The following PTPRG variants were observed in gnomAD, a reference collection of about 807,000 sequenced individuals.
PTPRG encodes the protein receptor-type tyrosine-protein phosphatase gamma.
In PTPRG, 102 loss-of-function variants were observed where a neutral mutation model predicts 165.3. The ratio of observed to expected loss-of-function variants is 0.62; its 90% CI spans 0.53 to 0.73. The LOEUF is 0.73. Among genes scored for constraint, PTPRG ranks in the 30% least tolerant of loss-of-function variants. The probability of loss-of-function intolerance (pLI) is 0.00; values close to 1 mark genes in which losing one functional copy is unlikely to be tolerated. For missense variants in PTPRG, 1,866 were observed against 1,861.4 expected (o/e 1.00, Z -0.05); for synonymous variants, 675 against 669.5 (o/e 1.01, Z -0.13).
chr3:62,287,545 T>C (rs1175260389), intron 28 of PTPRG, among the ~76,000 whole-genome samples: 1 of 151,792 alleles, frequency 6.6e-6, no homozygotes, highest in Non-Finnish European at 1.5e-5. Context: ...TAGTGGAGTG[T>C]AGAACTGAAA....
At chr3:62,095,277 C>G (rs563912669) in intron 5 of PTPRG, among the ~76,000 whole-genome samples, 17 of 152,308 alleles carry the variant, frequency 1.1e-4, no homozygotes, top group African/African-American at 3.8e-4. Flanking sequence ...GCTGCATCCC[C>G]CATGTGACCT....
chr3:61,715,055 T>C (rs1286411861), intron 1 of PTPRG, among the ~76,000 whole-genome samples: 1 of 152,160 alleles, frequency 6.6e-6, no homozygotes, highest in Non-Finnish European at 1.5e-5. Flanking sequence ...TTGCTGGTCA[T>C]GGGCAAGGAA....
intron 1 of PTPRG, among the ~76,000 whole-genome samples, chr3:61,706,785 C>T (rs763534164): frequency 2.6e-5 from 4 of 151,832 alleles, no homozygotes; most frequent in East Asian, 1.9e-4. Context: ...CCACTGTGCC[C>T]GGCCAGTATT....
intron 2 of PTPRG, among the ~76,000 whole-genome samples, chr3:61,888,757 A>G (rs1403960274): frequency 6.6e-6 from 1 of 152,084 alleles, no homozygotes. Context: ...CTTTGTTCCT[A>G]TTATAGGAGA....
At chr3:61,613,951 T>C (rs572419137) in intron 1 of PTPRG, among the ~76,000 whole-genome samples, 53 of 152,324 alleles carry the variant, frequency 3.5e-4, no homozygotes, top group South Asian at 8.3e-4. Flanking sequence ...CAAATAAATC[T>C]TGAATCTCCC....
intron 5 of PTPRG, among the ~76,000 whole-genome samples, chr3:62,127,196 C>T (rs966257348): frequency 6.6e-6 from 1 of 152,116 alleles, no homozygotes; most frequent in Non-Finnish European, 1.5e-5. Flanking sequence ...TGGGTAAGGG[C>T]TAACCAAAAT....
chr3:62,173,526 G>A (rs77134161), intron 8 of PTPRG, among the ~76,000 whole-genome samples: 1,741 of 152,262 alleles, frequency 0.011, 15 homozygotes, highest in Middle Eastern at 0.037. Context: ...GGAAATCATA[G>A]GCTTGTTGTA....
intron 1 of PTPRG, among the ~76,000 whole-genome samples, chr3:61,635,587 A>G (rs1701887685): frequency 1.3e-5 from 2 of 151,806 alleles, no homozygotes; most frequent in Non-Finnish European, 2.9e-5. Context: ...CAAACTCTTG[A>G]GCTCAAGCTT....
rs529723533 is a variant in PTPRG, at chr3:62,287,347, A to C, written c.4055+4478A>C. On this transcript the variant is annotated intron_variant, in intron 28 of 29. Transcript: ENST00000474889. ...TCTGAGGGAAGACAACATGCTGAAC[A>C]AGAACCAAAAACCACAATAAATCAG... Among the ~76,000 whole-genome samples the C allele has an allele frequency of 8.0e-4, 122 of 152,336 alleles. 3 individuals carry two copies. In the South Asian group the frequency reaches 0.024, roughly 30 times the overall value.
intron 2 of PTPRG, among the ~76,000 whole-genome samples, chr3:61,942,837 T>C (rs1215412529): frequency 2.0e-5 from 3 of 152,254 alleles, no homozygotes; most frequent in African/African-American, 4.8e-5. Flanking sequence ...TTTATATGAC[T>C]TAGCAAACTT....
intron 1 of PTPRG, among the ~76,000 whole-genome samples, chr3:61,575,782 TAG>T (rs1363108999): frequency 6.6e-6 from 1 of 151,930 alleles, no homozygotes; most frequent in African/African-American, 2.4e-5. Context: ...ATATTTTACA[TAG>T]AGATGAGGTT....
intron 2 of PTPRG, chr3:61,771,191 T>C (rs2034197134): frequency 6.6e-6 from 1 of 152,162 alleles, no homozygotes; most frequent in Non-Finnish European, 1.5e-5. Flanking sequence ...TAAGATGCAT[T>C]CTAATGGATC....
intron 2 of PTPRG, among the ~76,000 whole-genome samples, chr3:61,916,481 A>G (rs2038938423): frequency 6.6e-6 from 1 of 152,184 alleles, no homozygotes; most frequent in South Asian, 2.1e-4. Flanking sequence ...TTAAGCTGTG[A>G]CAAAACTGTG....
At chr3:61,925,959 T>C (rs1449198034) in intron 2 of PTPRG, 1 of 474,604 alleles carries the variant, frequency 2.1e-6, no homozygotes, top group Non-Finnish European at 4.2e-6. Context: ...CCTAGCCTGG[T>C]TCTCTGACCA....
intron 1 of PTPRG, among the ~76,000 whole-genome samples, chr3:61,691,806 T>C (rs766578655): frequency 1.6e-4 from 24 of 152,272 alleles, no homozygotes; most frequent in Admixed American, 8.5e-4. Context: ...AATTTTAATA[T>C]CATAAAAAGC....
At chr3:61,617,989 A>G (rs1701343890) in intron 1 of PTPRG, among the ~76,000 whole-genome samples, 1 of 152,220 alleles carries the variant, frequency 6.6e-6, no homozygotes, top group African/African-American at 2.4e-5. Flanking sequence ...CTGAATTATA[A>G]ATGTGCAGGT....
At chr3:62,259,316 A>G (rs1201058063) in intron 16 of PTPRG, among the ~76,000 whole-genome samples, 1 of 152,182 alleles carries the variant, frequency 6.6e-6, no homozygotes, top group Non-Finnish European at 1.5e-5. Context: ...GGGCTGTCCA[A>G]TCTTTTGGCT....
At chr3:62,110,539 T>TAA (rs34522053) in intron 5 of PTPRG, among the ~76,000 whole-genome samples, 8 of 143,172 alleles carry the variant, frequency 5.6e-5, no homozygotes, top group African/African-American at 2.1e-4. Context: ...GTAGATGCTT[T>TAA]AAAAAAAAAA....
intron 1 of PTPRG, among the ~76,000 whole-genome samples, chr3:61,676,003 G>A (rs1391161127): frequency 6.6e-6 from 1 of 152,210 alleles, no homozygotes; most frequent in Non-Finnish European, 1.5e-5. Flanking sequence ...GGAAATAGAG[G>A]AAAATTTGTC....
Sources: gnomAD v4.1 joint callset for allele counts (sites outside exome capture counted in the v4.1 genomes callset) on GRCh38, gnomAD v4.1.1 for gene constraint, MANE v1.5 for transcripts, NCBI Gene and HGNC (gene_info 2026-07-23, HGNC 2026-07-21) for gene names.